NUDT8: variants seen among roughly 807,000 people sequenced by gnomAD.
NUDT8 encodes the protein mitochondrial coenzyme A diphosphatase NUDT8.
NUDT8 carries 14 observed loss-of-function variants against 12.5 expected under a neutral mutation model. That is an observed-to-expected ratio of 1.12 (90% CI 0.74 to 1.75). NUDT8 has a LOEUF of 1.75. NUDT8 is among the 40% of genes most tolerant of loss of function. NUDT8 has a pLI of 0.00. For synonymous variants in NUDT8, 163 were observed against 156.2 expected, an observed-to-expected ratio of 1.04 and a Z score of -0.33; for missense variants, 337 against 318.5, an observed-to-expected ratio of 1.06 and a Z score of -0.44.
chr11:67,628,247 T>A lies in NUDT8; in HGVS notation c.410A>T (p.Asp137Val). The change falls in exon 4 of 4, where the codon GAT becomes GTT. Residue 137 changes from aspartate (D) to valine (V), a missense_variant. Physicochemically the swap from Asp to Val is radical, Grantham distance 152. Coordinates refer to ENST00000376693, the MANE Select transcript of NUDT8 (RefSeq NM_001243750.2). Reference sequence around the variant, plus strand: ...GGCCAGCGGCAGTGCAAACACCTCATCTACCTGCAGGCAGGAGGCAGAGAG... The same window carrying A: ...GGCCAGCGGCAGTGCAAACACCTCAACTACCTGCAGGCAGGAGGCAGAGAG... ...QSLRPNSEEV[D>V]EVFALPLAHL... is the part of the protein sequence containing the mutation. 1 of 1,613,048 alleles carries A rather than the reference T, an allele frequency of 6.2e-7. No individual in the cohort carries two copies.
In NUDT8 at chr11:67,629,847, G is replaced by A; in HGVS notation, c.65C>T (p.Thr22Met). 7.8e-7 allele frequency: 1 copy of A among 1,278,142 alleles called. No individual in the cohort carries two copies. The allele number at this position is 1,278,142 out of a possible 1,614,324, so 79.2% of individuals were successfully genotyped here. A position where few individuals can be genotyped will look rare whatever the true frequency, so the allele number is the denominator to read the frequency against. Residue 22 changes from threonine (T) to methionine (M), a missense_variant, in exon 1 of 4, where the codon ACG (threonine) becomes ATG (methionine). Coordinates refer to ENST00000376693, the MANE Select transcript of NUDT8 (RefSeq NM_001243750.2). Reference protein sequence around the residue: ...LRCRRLLAGATARLRARPASA... With the variant: ...LRCRRLLAGAMARLRARPASA... ...CGCGGGCCGCGCGCGGAGCCGGGCC[G>A]TGGCCCCTGCCAGCAGCCGGCGGCA...
In NUDT8 at chr11:67,628,369, C is replaced by G; in HGVS notation, c.359G>C (p.Gly120Ala). The stretch of plus-strand genomic sequence containing the variant: ...GCTCTGGGGATCCAGTGGGCCTACA[C>G]CAGCAAGCACTGGCACCACGGTGGC... ...QKATVVPVLA[G>A]VGPLDPQSLR... Residue 120 changes from glycine to alanine, a missense_variant, in exon 3 of 4, where the codon GGT becomes GCT. Gly to Ala is a moderately conservative substitution (Grantham distance 60). Coordinates refer to ENST00000376693, the MANE Select transcript of NUDT8 (RefSeq NM_001243750.2). 6.2e-7 allele frequency: 1 copy of G among 1,613,890 alleles called. No homozygotes were observed. The highest frequency in any genetic ancestry group is 8.5e-7 in the Non-Finnish European group (1 of 1,179,990).
chr11:67,629,642 G>A (rs1855175070), intron 1 of NUDT8, 76 bp downstream of exon 1: 3 of 823,952 alleles, frequency 3.6e-6, no homozygotes, highest in South Asian at 4.4e-5. Flanking sequence ...GGGGCTAAGT[G>A]CCCTGCCAGA....
In NUDT8 at chr11:67,627,988, G is replaced by A. The variant is rs771926403; in HGVS notation, c.669C>T (p.Pro223=). The A allele has an allele frequency of 2.5e-6, 4 of 1,596,786 alleles. No homozygotes were observed. The highest frequency in any genetic ancestry group is 3.3e-5 in the Admixed American group (2 of 59,946). The change falls in exon 4 of 4, where the codon CCC becomes CCT. Residue 223 remains proline (P), a synonymous_variant. Transcript: ENST00000376693. ...LARPKQPLAS[P]CQASSTPGLN... is the part of the protein sequence containing the mutation. ...GTCCTGGAGTGGAGCTGGCCTGACAGGGTGAAGCCAGGGGCTGCTTAGGGC... is the reference window on the plus strand; with the variant it reads ...GTCCTGGAGTGGAGCTGGCCTGACAAGGTGAAGCCAGGGGCTGCTTAGGGC...
rs997554259 is a variant in NUDT8 at position 67,629,710 on chromosome 11, C to T, written c.194+8G>A. On this transcript the variant is annotated splice_region_variant and intron_variant, in intron 1 of 3. Coordinates refer to ENST00000376693, the MANE Select transcript of NUDT8 (RefSeq NM_001243750.2). ...CGGCAAAGGGCGAGGAGTTCCCGGC[C>T]GCTGTACCTGACGTCGCCCTTGTGC... The T allele has an allele frequency of 1.1e-5, 16 of 1,492,484 alleles. No individual in the cohort carries two copies. Among genetic ancestry groups the T allele is most frequent in the Non-Finnish European group, 1.4e-5 (16 of 1,119,754 alleles). The allele number at this position is 1,492,484 out of a possible 1,614,324, so 92.5% of individuals were successfully genotyped here. A position where few individuals can be genotyped will look rare whatever the true frequency, so the allele number is the denominator to read the frequency against.
rs1855177768 is a variant in NUDT8, at chr11:67,629,740, CG to C, written c.171del (p.Arg59GlyfsTer63). On this transcript the variant is annotated frameshift_variant, in exon 1 of 4. Coordinates refer to ENST00000376693, the MANE Select transcript of NUDT8 (RefSeq NM_001243750.2). LOFTEE classifies it high-confidence loss of function. ...TACCTGACGTCGCCCTTGTGCCTCC[CG>C]GTCAGGCGGCTGGACCGCAGCGTGT... ...LLYTLRSSRL[T>X]GRHKGDVSFP... 1 of 1,540,212 alleles carries C rather than the reference CG, an allele frequency of 6.5e-7. No individual in the cohort carries two copies. The highest frequency in any genetic ancestry group is 8.7e-7 in the Non-Finnish European group (1 of 1,149,026).
rs984487940 is a variant in NUDT8 at position 67,628,397 on chromosome 11, T to G, written c.331A>C (p.Lys111Gln). 10 of 1,613,334 alleles carry G rather than the reference T, an allele frequency of 6.2e-6. No individual in the cohort carries two copies. Among genetic ancestry groups the G allele is most frequent in the African/African-American group, 2.7e-5 (2 of 74,912 alleles). Residue 111 changes from lysine to glutamine, a missense_variant, in exon 3 of 4, where the codon AAG becomes CAG. By Grantham distance (53) the Lys-to-Gln change is moderately conservative. Transcript: ENST00000376693. Reference sequence around the variant, plus strand: ...GCAAGCACTGGCACCACGGTGGCCTTTTGCTGGGGAAGAGGGCAGGTGGTC... The same window carrying G: ...GCAAGCACTGGCACCACGGTGGCCTGTTGCTGGGGAAGAGGGCAGGTGGTC... ...GLLRPVYDPQ[K>Q]ATVVPVLAGV...
At chr11:67,629,566 C>A in intron 1 of NUDT8, 152 bp downstream of exon 1, 1 of 426,536 alleles carries the variant, frequency 2.3e-6, no homozygotes, top group Non-Finnish European at 4.1e-6. Flanking sequence ...TGACCTCTCG[C>A]TGCAGCCCTT....
intron 2 of NUDT8, 114 bp downstream of exon 2, chr11:67,628,805 C>T: frequency 1.5e-6 from 2 of 1,378,540 alleles, no homozygotes; most frequent in South Asian, 1.4e-5. Flanking sequence ...GGCACCCTTC[C>T]ACACTTTGTG....
intron 1 of NUDT8, 34 bp from the exon 2 acceptor site, chr11:67,629,085 C>T: frequency 1.3e-6 from 2 of 1,576,670 alleles, no homozygotes; most frequent in East Asian, 2.3e-5. Flanking sequence ...TCCTTGGACT[C>T]TTGGGGCCAC....
chr11:67,628,405 G>A lies in NUDT8; in HGVS notation c.328-5C>T. 1.9e-6 allele frequency: 3 copies of A among 1,613,110 alleles called. No homozygotes were observed. The highest frequency in any genetic ancestry group is 2.2e-5 in the South Asian group (2 of 91,044). Reference sequence around the variant, plus strand: ...TGGCACCACGGTGGCCTTTTGCTGGGGAAGAGGGCAGGTGGTCAGGGAAGC... The same window carrying A: ...TGGCACCACGGTGGCCTTTTGCTGGAGAAGAGGGCAGGTGGTCAGGGAAGC... On this transcript the variant is annotated splice_region_variant and splice_polypyrimidine_tract_variant and intron_variant, in intron 2 of 3. Coordinates refer to ENST00000376693, the MANE Select transcript of NUDT8 (RefSeq NM_001243750.2).
chr11:67,629,066 G>A lies in NUDT8; in HGVS notation c.195-15C>T, dbSNP rs369433501. On this transcript the variant is annotated splice_polypyrimidine_tract_variant and intron_variant, in intron 1 of 3. Transcript: ENST00000376693. ...CGCCTGGGAAACTAAACAGACACAAGGAGTCTGGTCCTTGGACTCTTGGGG... is the reference window on the plus strand; with the variant it reads ...CGCCTGGGAAACTAAACAGACACAAAGAGTCTGGTCCTTGGACTCTTGGGG... 20 of 1,604,738 alleles carry A rather than the reference G, an allele frequency of 1.2e-5. No homozygotes were observed. In the African/African-American group the frequency reaches 1.3e-4, roughly 11 times the overall value.
intron 1 of NUDT8, chr11:67,629,459 C>A: frequency 2.5e-6 from 1 of 404,382 alleles, no homozygotes; most frequent in Non-Finnish European, 4.4e-6. Flanking sequence ...AAGGGGTGTC[C>A]CGGCCCAGGC....
chr11:67,629,923 C>G lies in NUDT8; in HGVS notation c.-12G>C, dbSNP rs1190446698. ...CAGTCGGGCAGCATGTCAAGTCCTG[C>G]GCGGCCGGGACACTGAGGGCGCGGG... On this transcript the variant is annotated 5_prime_UTR_variant, in exon 1 of 4. Transcript: ENST00000376693. The G allele has an allele frequency of 9.8e-6, 12 of 1,224,902 alleles. No individual in the cohort carries two copies. The highest frequency in any genetic ancestry group is 1.2e-5 in the Non-Finnish European group (12 of 985,586). 75.9% of individuals were successfully genotyped at this position (1,224,902 alleles called of 1,614,324 possible). A position where few individuals can be genotyped will look rare whatever the true frequency, so the allele number is the denominator to read the frequency against.
At chr11:67,628,284 G>A in intron 3 of NUDT8, 33 bp from the exon 4 acceptor site, 4 of 1,613,736 alleles carry the variant, frequency 2.5e-6, no homozygotes, top group African/African-American at 1.3e-5. Context: ...GTAGACAGAG[G>A]ACTGGAACAG....
chr11:67,629,494 G>A (rs977724457), intron 1 of NUDT8: 7 of 404,416 alleles, frequency 1.7e-5, no homozygotes, highest in Non-Finnish European at 3.1e-5. Flanking sequence ...GCGTACGAGG[G>A]GCCCACGCGG....
At position 67,629,858 on chromosome 11, in the gene NUDT8, C is replaced by G. The variant is rs1338987966; in HGVS notation, c.54G>C (p.Leu18=). The change falls in exon 1 of 4, where the codon CTG becomes CTC. Residue 18 remains leucine (L), a synonymous_variant. Coordinates refer to ENST00000376693, the MANE Select transcript of NUDT8 (RefSeq NM_001243750.2). The part of the protein sequence containing the change: ...AEGELRCRRL[L]AGATARLRAR... ...CGCGGAGCCGGGCCGTGGCCCCTGCCAGCAGCCGGCGGCAGCGCAGCTCGC... is the reference window on the plus strand; with the variant it reads ...CGCGGAGCCGGGCCGTGGCCCCTGCGAGCAGCCGGCGGCAGCGCAGCTCGC... The G allele has an allele frequency of 2.8e-5, 35 of 1,259,404 alleles. No individual in the cohort carries two copies. Among genetic ancestry groups the G allele is most frequent in the Non-Finnish European group, 3.5e-5 (35 of 1,009,614 alleles). The allele number at this position is 1,259,404 out of a possible 1,614,324, so 78.0% of individuals were successfully genotyped here.
rs528381170 is a variant in NUDT8, at chr11:67,629,725, C to A, written c.187G>T (p.Asp63Tyr). Residue 63 changes from aspartate (D) to tyrosine (Y), a missense_variant, in exon 1 of 4, where the codon GAC becomes TAC. Coordinates refer to ENST00000376693, the MANE Select transcript of NUDT8 (RefSeq NM_001243750.2). ...AGTTCCCGGCCGCTGTACCTGACGT[C>A]GCCCTTGTGCCTCCCGGTCAGGCGG... is the stretch of plus-strand genomic sequence containing the variant. The part of the protein sequence containing the change: ...SSRLTGRHKG[D>Y]VSFPGGKCDP... The A allele has an allele frequency of 1.1e-5, 17 of 1,525,706 alleles. No individual in the cohort carries two copies. Among genetic ancestry groups the A allele is most frequent in the Non-Finnish European group, 1.5e-5 (17 of 1,139,828 alleles). The allele number at this position is 1,525,706 out of a possible 1,614,324, so 94.5% of individuals were successfully genotyped here.
Position 67,629,039 on chromosome 11 carries a change from G to T in NUDT8, c.207C>A (p.Gly69=). The change falls in exon 2 of 4, where the codon GGC becomes GGA. Residue 69 remains glycine (G), a synonymous_variant. Transcript: ENST00000376693. ...RHKGDVSFPG[G]KCDPADQDVV... is the part of the protein sequence containing the mutation. ...CATCTTGGTCAGCCGGGTCGCACTT[G>T]CCGCCTGGGAAACTAAACAGACACA... The T allele has an allele frequency of 6.2e-7, 1 of 1,611,338 alleles. No individual in the cohort carries two copies. Among genetic ancestry groups the T allele is most frequent in the Non-Finnish European group, 8.5e-7 (1 of 1,178,858 alleles).
Sources: gnomAD v4.1 joint callset for allele counts on GRCh38, gnomAD v4.1.1 for gene constraint, MANE v1.5 for transcripts, NCBI Gene and HGNC (gene_info 2026-07-23, HGNC 2026-07-21) for gene names.